MAML3: variants seen among roughly 807,000 people sequenced by gnomAD.
MAML3 encodes the protein mastermind-like protein 3.
MAML3 carries 27 observed loss-of-function variants against 101.9 expected under a neutral mutation model. The observed-to-expected ratio is 0.27, with a 90% confidence interval of 0.20 to 0.37. The LOEUF (loss-of-function observed/expected upper bound fraction) is 0.37. Ranked by LOEUF, MAML3 falls within the 10% of genes least tolerant of loss-of-function variation. The pLI, the probability that MAML3 is intolerant of heterozygous loss-of-function variation, is 1.00. For missense variants in MAML3, 1,316 were observed against 1,444.9 expected, an observed-to-expected ratio of 0.91 and a Z score of 1.45; for synonymous variants, 501 against 555.9, an observed-to-expected ratio of 0.90 and a Z score of 1.39.
chr4:139,850,660 C>G (rs61166637), intron 2 of MAML3, among the ~76,000 whole-genome samples: 43,707 of 151,798 alleles, frequency 0.29, 7,287 homozygotes, highest in East Asian at 0.68. Flanking sequence ...CCCACCTCAG[C>G]CTCCCGAGTA....
intron 2 of MAML3, among the ~76,000 whole-genome samples, chr4:139,800,980 A>G (rs139150102): frequency 6.6e-6 from 1 of 152,382 alleles, no homozygotes; most frequent in Non-Finnish European, 1.5e-5. Flanking sequence ...CTATGCAGGT[A>G]GGGAGATTTG....
At chr4:140,000,024 T>G (rs547398022) in intron 1 of MAML3, among the ~76,000 whole-genome samples, 1 of 152,262 alleles carries the variant, frequency 6.6e-6, no homozygotes, top group Non-Finnish European at 1.5e-5. Context: ...TTAATGACCG[T>G]TTTTTAAAAG....
At position 140,153,255 on chromosome 4, in the gene MAML3, T is replaced by G; in HGVS notation, c.73A>C (p.Ser25Arg). The part of the protein sequence containing the change: ...SICINSSLNS[S>R]LGGAGIGVNN... ...ACACCGATCCCGGCCCCGCCGAGGC[T>G]GCTGTTCAGGCTACTGTTGATGCAA... The change falls in exon 1 of 5, where the codon AGC (serine) becomes CGC (arginine). Residue 25 changes from serine to arginine, a missense_variant. Coordinates refer to ENST00000509479, the MANE Select transcript of MAML3 (RefSeq NM_018717.5). 1 of 1,607,068 alleles carries G rather than the reference T, an allele frequency of 6.2e-7. No individual in the cohort carries two copies. Among genetic ancestry groups the G allele is most frequent in the Non-Finnish European group, 8.5e-7 (1 of 1,177,008 alleles).
chr4:139,759,223 G>C (rs1454560882), intron 2 of MAML3, among the ~76,000 whole-genome samples: 1 of 152,224 alleles, frequency 6.6e-6, no homozygotes, highest in Middle Eastern at 3.2e-3. Context: ...GACAGAAAGA[G>C]AAGAGCCGCA....
chr4:139,860,701 A>G (rs1329158964), intron 2 of MAML3, among the ~76,000 whole-genome samples: 1 of 152,174 alleles, frequency 6.6e-6, no homozygotes, highest in Admixed American at 6.5e-5. Flanking sequence ...CACTCAGTGG[A>G]GCCTTTGGAT....
intron 1 of MAML3, among the ~76,000 whole-genome samples, chr4:140,020,707 T>G (rs1210174574): frequency 1.3e-5 from 2 of 152,092 alleles, no homozygotes; most frequent in African/African-American, 4.8e-5. Context: ...CAAAGAAGGG[T>G]GAAGAGTCTT....
At chr4:140,080,854 C>T (rs1472306905) in intron 1 of MAML3, among the ~76,000 whole-genome samples, 1 of 152,164 alleles carries the variant, frequency 6.6e-6, no homozygotes, top group African/African-American at 2.4e-5. Context: ...AAGGTAAAAT[C>T]CCACTCAATC....
At chr4:139,757,673 T>C (rs1310780538) in intron 2 of MAML3, among the ~76,000 whole-genome samples, 6 of 148,406 alleles carry the variant, frequency 4.0e-5, no homozygotes, top group African/African-American at 1.5e-4. Context: ...AGAATCCTAT[T>C]CCTTATCAGG....
intron 2 of MAML3, among the ~76,000 whole-genome samples, chr4:139,779,167 G>A (rs974696461): frequency 6.6e-6 from 1 of 152,096 alleles, no homozygotes; most frequent in Non-Finnish European, 1.5e-5. Flanking sequence ...AGTTAGCCAA[G>A]GCCTTTTGAG....
At position 139,965,948 on chromosome 4, in the gene MAML3, G is replaced by A. The variant is rs541794799; in HGVS notation, c.469-74981C>T. 2.6e-5 allele frequency among the ~76,000 whole-genome samples: 4 copies of A among 152,200 alleles called. No homozygotes were observed. The East Asian group carries it at 7.7e-4, about 29-fold the overall frequency. On this transcript the variant is annotated intron_variant, in intron 1 of 4. Transcript: ENST00000509479. ...AGCTCACAGGATTGGGGGAAGGGAG[G>A]GCACTGGTGAAAAACTATCTGGCCA...
chr4:139,767,826 T>G (rs1729895433), intron 2 of MAML3, among the ~76,000 whole-genome samples: 1 of 152,064 alleles, frequency 6.6e-6, no homozygotes, highest in Non-Finnish European at 1.5e-5. Flanking sequence ...CTCAAAGGAG[T>G]CTATGACTCC....
At chr4:139,949,086 G>C (rs1733788348) in intron 1 of MAML3, among the ~76,000 whole-genome samples, 1 of 152,056 alleles carries the variant, frequency 6.6e-6, no homozygotes, top group African/African-American at 2.4e-5. Context: ...CGCGATCTCG[G>C]CTCACTGCAA....
intron 1 of MAML3, among the ~76,000 whole-genome samples, chr4:140,089,645 C>T (rs547501816): frequency 1.3e-5 from 2 of 152,224 alleles, no homozygotes; most frequent in Non-Finnish European, 2.9e-5. Flanking sequence ...AAGCCAGATT[C>T]GAAAGGCTAC....
At chr4:139,989,880 C>G (rs62347770) in intron 1 of MAML3, among the ~76,000 whole-genome samples, 13,204 of 57,578 alleles carry the variant, frequency 0.23, 779 homozygotes, top group Admixed American at 0.3. Flanking sequence ...CACACACACA[C>G]ACAGAGAGAG....
chr4:140,134,492 AT>A (rs1244971257), intron 1 of MAML3: 3 of 389,156 alleles, frequency 7.7e-6, no homozygotes, highest in Non-Finnish European at 1.5e-5. Context: ...ACTTAAAAAC[AT>A]TTTTTCAAGA....
At chr4:139,877,227 G>A (rs1177593791) in intron 2 of MAML3, among the ~76,000 whole-genome samples, 2 of 152,100 alleles carry the variant, frequency 1.3e-5, no homozygotes, top group Non-Finnish European at 2.9e-5. Context: ...GATTCTCTAT[G>A]TACTAGATCC....
chr4:139,993,825 T>C (rs1002866494), intron 1 of MAML3, among the ~76,000 whole-genome samples: 7 of 151,676 alleles, frequency 4.6e-5, no homozygotes, highest in African/African-American at 1.5e-4. Flanking sequence ...CAAAACTCTG[T>C]CTCAAAAAAA....
At chr4:140,086,302 T>C (rs1296521137) in intron 1 of MAML3, among the ~76,000 whole-genome samples, 1 of 152,244 alleles carries the variant, frequency 6.6e-6, no homozygotes, top group Non-Finnish European at 1.5e-5. Flanking sequence ...AAACTTCTCT[T>C]CCTTGAATCT....
chr4:140,068,433 G>T (rs1466923764), intron 1 of MAML3, among the ~76,000 whole-genome samples: 1 of 152,170 alleles, frequency 6.6e-6, no homozygotes, highest in East Asian at 1.9e-4. Context: ...CATGTAGTGG[G>T]TGTGAGTGCT....
Sources: gnomAD v4.1 joint callset for allele counts (sites outside exome capture counted in the v4.1 genomes callset) on GRCh38, gnomAD v4.1.1 for gene constraint, MANE v1.5 for transcripts, NCBI Gene and HGNC (gene_info 2026-07-23, HGNC 2026-07-21) for gene names.